Variants in TTC29 observed in about 807,000 individuals in gnomAD.
TTC29 encodes the protein tetratricopeptide repeat domain 29.
A neutral mutation model predicts 58.1 loss-of-function variants in TTC29; 49 were observed. The observed-to-expected ratio is 0.84, with a 90% confidence interval of 0.67 to 1.07. TTC29 has a LOEUF of 1.07. TTC29 is among the 50% of genes least tolerant of loss of function. The probability of loss-of-function intolerance (pLI) is 0.00; values close to 1 mark genes in which losing one functional copy is unlikely to be tolerated. For synonymous variants in TTC29, 209 were observed against 196.8 expected (o/e 1.06, Z -0.52); for missense variants, 582 against 555.6 (o/e 1.05, Z -0.48).
At chr4:146,899,765 T>C (rs1207217304) in intron 6 of TTC29, among the ~76,000 whole-genome samples, 1 of 152,226 alleles carries the variant, frequency 6.6e-6, no homozygotes, top group East Asian at 1.9e-4. Context: ...TGTTCCTCAT[T>C]TGCTCTATGG....
chr4:146,937,988 T>C (rs1420693227), intron 3 of TTC29, among the ~76,000 whole-genome samples: 8 of 152,154 alleles, frequency 5.3e-5, no homozygotes, highest in African/African-American at 1.4e-4. Context: ...CATTTTTTCG[T>C]GGTGTAACTT....
chr4:146,814,480 C>T (rs772858060), intron 10 of TTC29, among the ~76,000 whole-genome samples: 1 of 152,054 alleles, frequency 6.6e-6, no homozygotes, highest in Admixed American at 6.6e-5. Flanking sequence ...ATAATCCCAG[C>T]ACTTTGGGAG....
intron 11 of TTC29, among the ~76,000 whole-genome samples, chr4:146,765,177 C>T (rs1243383900): frequency 6.6e-6 from 1 of 151,932 alleles, no homozygotes; most frequent in Non-Finnish European, 1.5e-5. Context: ...CATGTACATG[C>T]AGATATGTTA....
intron 11 of TTC29, among the ~76,000 whole-genome samples, chr4:146,714,601 GAA>G (rs369522006): frequency 2.2e-5 from 3 of 135,998 alleles, no homozygotes; most frequent in African/African-American, 8.1e-5. Context: ...AAAAGAAAAA[GAA>G]AAAAAAAAAC....
intron 6 of TTC29, among the ~76,000 whole-genome samples, chr4:146,880,332 T>C (rs1024755564): frequency 2.0e-5 from 3 of 152,126 alleles, no homozygotes; most frequent in Admixed American, 6.6e-5. Flanking sequence ...CATGCATTTA[T>C]AGTTTTTTAC....
intron 9 of TTC29, among the ~76,000 whole-genome samples, chr4:146,822,337 T>G (rs1366852223): frequency 6.6e-6 from 1 of 152,146 alleles, no homozygotes; most frequent in Non-Finnish European, 1.5e-5. Flanking sequence ...ACATGTGGTG[T>G]TTGGTTTTCT....
At chr4:146,912,316 T>C (rs1733949106) in intron 4 of TTC29, among the ~76,000 whole-genome samples, 1 of 152,168 alleles carries the variant, frequency 6.6e-6, no homozygotes, top group African/African-American at 2.4e-5. Flanking sequence ...TAACATCAGA[T>C]AAACAATGAA....
rs575276267 is a variant in TTC29, at chr4:146,769,591, A to T, written c.1330+33866T>A. Among the ~76,000 whole-genome samples the T allele has an allele frequency of 3.9e-5, 6 of 152,154 alleles. No homozygotes were observed. In the East Asian group the frequency reaches 1.2e-3, roughly 29 times the overall value. On this transcript the variant is annotated intron_variant, in intron 11 of 12. Coordinates refer to ENST00000325106, the MANE Select transcript of TTC29 (RefSeq NM_031956.4). ...ACACCATTAAAAACAAAAGAAAGTC[A>T]GTCCCCACTTCTGCTGTAAGTTAAG...
At chr4:146,764,094 A>G (rs1000238929) in intron 11 of TTC29, 1 of 152,002 alleles carries the variant, frequency 6.6e-6, no homozygotes, top group African/African-American at 2.4e-5. Flanking sequence ...CATCTCTTAA[A>G]CCACTTTTTG....
chr4:146,782,092 G>C (rs1336257486), intron 11 of TTC29, among the ~76,000 whole-genome samples: 2 of 151,562 alleles, frequency 1.3e-5, no homozygotes, highest in East Asian at 3.9e-4. Context: ...TGAGTCTAGA[G>C]GTGCAACAAC....
intron 9 of TTC29, among the ~76,000 whole-genome samples, chr4:146,823,528 G>T (rs1468029965): frequency 6.6e-6 from 1 of 152,152 alleles, no homozygotes; most frequent in Non-Finnish European, 1.5e-5. Flanking sequence ...TTGAAGTCAG[G>T]TAGCATGATG....
At chr4:146,817,657 G>T (rs1186352871) in intron 10 of TTC29, among the ~76,000 whole-genome samples, 1 of 152,162 alleles carries the variant, frequency 6.6e-6, no homozygotes, top group African/African-American at 2.4e-5. Flanking sequence ...AAAGCTGGAG[G>T]CATCATGCTA....
chr4:146,728,860 C>CATATATATATGTATATATATACAT (rs1554006145), intron 11 of TTC29, among the ~76,000 whole-genome samples: 1 of 62,026 alleles, frequency 1.6e-5, no homozygotes, highest in African/African-American at 4.4e-5. Context: ...TATATATACA[C>CATATATATATGTATATATATACAT]ATATATATGT....
In TTC29 at chr4:146,943,169, CTTTTTTT is replaced by C. The variant is rs61184684; in HGVS notation, c.-7+1855_-7+1861del. 6.3e-3 allele frequency among the ~76,000 whole-genome samples: 374 copies of C among 59,404 alleles called. 1 individual carries two copies. Among genetic ancestry groups the C allele is most frequent in the African/African-American group, 0.011 (239 of 21,604 alleles). The allele number at this position is 59,404 out of a possible 152,430, so 39.0% of individuals were successfully genotyped here. ...TTCTTTGTCATACAGATCAACTGTG[CTTTTTTT>C]TTTTTTTTTTTTTTTTTTTTTCAAA... On this transcript the variant is annotated intron_variant, in intron 2 of 12. Transcript: ENST00000325106.
At chr4:146,803,782 C>A in intron 10 of TTC29, 97 bp from the exon 11 acceptor site, 1 of 898,242 alleles carries the variant, frequency 1.1e-6, no homozygotes, top group Non-Finnish European at 1.6e-6. Flanking sequence ...ACTGACCTTT[C>A]GACAGTTACA....
intron 10 of TTC29, among the ~76,000 whole-genome samples, chr4:146,818,665 C>G (rs1751600457): frequency 6.6e-6 from 1 of 152,118 alleles, no homozygotes. Flanking sequence ...TTCACAATAG[C>G]AAAGACTTGG....
chr4:146,728,795 G>GTATA (rs1210329336), intron 11 of TTC29, among the ~76,000 whole-genome samples: 1 of 111,436 alleles, frequency 9.0e-6, no homozygotes, highest in Non-Finnish European at 1.8e-5. Flanking sequence ...GTATATATAC[G>GTATA]TATATATACA....
At chr4:146,938,805 T>C (rs1004959391) in intron 3 of TTC29, among the ~76,000 whole-genome samples, 2 of 152,240 alleles carry the variant, frequency 1.3e-5, no homozygotes, top group African/African-American at 2.4e-5. Flanking sequence ...CTTGCAGGAA[T>C]GGAAAAGTAG....
At chr4:146,837,816 G>T (rs182262440) in intron 8 of TTC29, among the ~76,000 whole-genome samples, 1 of 151,998 alleles carries the variant, frequency 6.6e-6, no homozygotes, top group East Asian at 1.9e-4. Context: ...CAAATATTTT[G>T]ATGAATTGAA....
Sources: allele counts gnomAD v4.1 joint callset (sites outside exome capture counted in the v4.1 genomes callset), GRCh38; gene constraint gnomAD v4.1.1; transcripts MANE v1.5; gene names NCBI Gene and HGNC (gene_info 2026-07-23, HGNC 2026-07-21).